The following PARD3B variants were observed in gnomAD, a reference collection of about 807,000 sequenced individuals.
The protein encoded by PARD3B is par-3 family cell polarity regulator beta.
Under a neutral mutation model 130.2 loss-of-function variants are expected in PARD3B, and 103 were observed. That is an observed-to-expected ratio of 0.79 (90% CI 0.67 to 0.93). The LOEUF is 0.93. PARD3B is among the 40% of genes least tolerant of loss of function. The probability of loss-of-function intolerance (pLI) is 0.00; values close to 1 mark genes in which losing one functional copy is unlikely to be tolerated. For missense variants in PARD3B, 1,609 were observed against 1,499.2 expected (o/e 1.07, Z -1.21); for synonymous variants, 583 against 553.2 (o/e 1.05, Z -0.76).
intron 16 of PARD3B, among the ~76,000 whole-genome samples, chr2:205,254,063 G>C (rs1402094671): frequency 7.5e-6 from 1 of 133,688 alleles, no homozygotes; most frequent in Non-Finnish European, 1.5e-5. Context: ...GACACACAGA[G>C]TGGTATCATT....
chr2:204,638,517 T>A (rs929185770), intron 1 of PARD3B, among the ~76,000 whole-genome samples: 4 of 152,226 alleles, frequency 2.6e-5, no homozygotes, highest in Admixed American at 2.6e-4. Context: ...AAGTGTAATT[T>A]TGTTATTTAG....
At chr2:205,192,877 T>G (rs1288287118) in intron 14 of PARD3B, among the ~76,000 whole-genome samples, 1 of 152,202 alleles carries the variant, frequency 6.6e-6, no homozygotes, top group African/African-American at 2.4e-5. Context: ...CAGTGACATC[T>G]TTTGAAGTGC....
chr2:204,873,063 A>C (rs2045690531), intron 2 of PARD3B, among the ~76,000 whole-genome samples: 1 of 152,222 alleles, frequency 6.6e-6, no homozygotes, highest in African/African-American at 2.4e-5. Context: ...GATAAAGATA[A>C]TTATAATGTA....
At chr2:204,583,773 T>C (rs957370128) in intron 1 of PARD3B, among the ~76,000 whole-genome samples, 6 of 152,196 alleles carry the variant, frequency 3.9e-5, no homozygotes, top group African/African-American at 1.2e-4. Context: ...ATCAAACTTG[T>C]AGTGTCATTA....
intron 10 of PARD3B, among the ~76,000 whole-genome samples, chr2:205,135,542 T>C (rs907002807): frequency 4.0e-5 from 6 of 151,120 alleles, no homozygotes; most frequent in African/African-American, 1.5e-4. Flanking sequence ...GTGTGATCTT[T>C]ATCATTAAAG....
chr2:204,566,690 G>A (rs2031690710), intron 1 of PARD3B, among the ~76,000 whole-genome samples: 1 of 152,098 alleles, frequency 6.6e-6, no homozygotes, highest in Non-Finnish European at 1.5e-5. Flanking sequence ...ATAAAGACAA[G>A]GTAAAGACAA....
At chr2:205,569,700 C>T (rs1261527080) in intron 22 of PARD3B, among the ~76,000 whole-genome samples, 1 of 152,156 alleles carries the variant, frequency 6.6e-6, no homozygotes, top group Non-Finnish European at 1.5e-5. Flanking sequence ...TGATATTATG[C>T]CCTATGTCAG....
At chr2:205,038,478 G>T (rs947820798) in intron 3 of PARD3B, among the ~76,000 whole-genome samples, 8 of 152,070 alleles carry the variant, frequency 5.3e-5, no homozygotes, top group African/African-American at 1.9e-4. Flanking sequence ...ATATTGTAAA[G>T]TAGCTTAAAA....
chr2:204,675,493 C>A lies in PARD3B; in HGVS notation c.121-10688C>A, dbSNP rs191478447. On this transcript the variant is annotated intron_variant, in intron 1 of 22. Transcript: ENST00000406610. This position sits in a 1 kb window ranked among gnomAD's most constrained non-coding sequence, Gnocchi z 4.4. ...CTAGAGCTGTAGGAAAATGAAATTT[C>A]TATATTCTTATAAAGTCAGTGTCTT... Among the ~76,000 whole-genome samples, 34 of 152,006 alleles carry A rather than the reference C, an allele frequency of 2.2e-4. No individual in the cohort carries two copies. Among genetic ancestry groups the A allele is most frequent in the Admixed American group, 1.3e-3 (20 of 15,280 alleles).
At chr2:204,831,372 C>T (rs780773436) in intron 2 of PARD3B, among the ~76,000 whole-genome samples, 13 of 152,124 alleles carry the variant, frequency 8.5e-5, no homozygotes, top group Non-Finnish European at 1.2e-4. Context: ...TTAAATATCA[C>T]GCTTATATAA....
intron 18 of PARD3B, among the ~76,000 whole-genome samples, chr2:205,350,414 C>G (rs1278485439): frequency 8.5e-5 from 13 of 152,138 alleles, no homozygotes; most frequent in Admixed American, 8.5e-4. Flanking sequence ...TTTGCCGCAT[C>G]TCATAAAGTT....
intron 15 of PARD3B, among the ~76,000 whole-genome samples, chr2:205,234,520 T>C (rs1175606617): frequency 1.3e-5 from 2 of 152,100 alleles, no homozygotes; most frequent in Admixed American, 1.3e-4. Context: ...ATGCACCTAA[T>C]AATAGTGCTT....
rs1232175671 is a variant in PARD3B at position 205,351,729 on chromosome 2, GCT to G, written c.2631-49281_2631-49280del. ...TTTAACTCTAGAATTGCTAAAGGTA[GCT>G]CTGTGAGTAAGGTGGGTTGCTAGCC... On this transcript the variant is annotated intron_variant, in intron 18 of 22. Coordinates refer to ENST00000406610, the MANE Select transcript of PARD3B (RefSeq NM_001302769.2). This position sits in a 1 kb window ranked among gnomAD's most constrained non-coding sequence, Gnocchi z 4.2. Among the ~76,000 whole-genome samples, 1 of 152,074 alleles carries G rather than the reference GCT, an allele frequency of 6.6e-6. No homozygotes were observed. Among genetic ancestry groups the G allele is most frequent in the Admixed American group, 6.6e-5 (1 of 15,258 alleles).
At chr2:205,361,444 T>G (rs2044386169) in intron 18 of PARD3B, among the ~76,000 whole-genome samples, 1 of 152,180 alleles carries the variant, frequency 6.6e-6, no homozygotes, top group Admixed American at 6.5e-5. Context: ...ACTGACGAAT[T>G]CTTCTTGCCT....
At chr2:205,333,452 A>T (rs1201330529) in intron 18 of PARD3B, among the ~76,000 whole-genome samples, 5 of 152,160 alleles carry the variant, frequency 3.3e-5, no homozygotes, top group African/African-American at 9.7e-5. Flanking sequence ...CCTAATAGAA[A>T]ATTAAAAGTT....
In PARD3B at chr2:205,253,541, C is replaced by T; in HGVS notation, c.2185+7719C>T. On this transcript the variant is annotated intron_variant, in intron 16 of 22. Coordinates refer to ENST00000406610, the MANE Select transcript of PARD3B (RefSeq NM_001302769.2). This position sits in a 1 kb window ranked among gnomAD's most constrained non-coding sequence, Gnocchi z 4.4. Reference sequence around the variant, plus strand: ...GAGACTCACACTGCTGTCATGGCCCCACAGCCTGGAGCCTCCCCTGCCTCC... The same window carrying T: ...GAGACTCACACTGCTGTCATGGCCCTACAGCCTGGAGCCTCCCCTGCCTCC... 1 of 524,248 alleles carries T rather than the reference C, an allele frequency of 1.9e-6. No homozygotes were observed. Among genetic ancestry groups the T allele is most frequent in the East Asian group, 5.0e-5 (1 of 20,188 alleles). The allele number at this position is 524,248 out of a possible 1,614,324, so 32.5% of individuals were successfully genotyped here.
At chr2:205,055,026 A>C (rs1014846107) in intron 4 of PARD3B, among the ~76,000 whole-genome samples, 1 of 152,110 alleles carries the variant, frequency 6.6e-6, no homozygotes, top group Non-Finnish European at 1.5e-5. Flanking sequence ...GCATTTTTTC[A>C]AGACTGTGAA....
At chr2:205,039,316 T>C (rs1698229300) in intron 3 of PARD3B, among the ~76,000 whole-genome samples, 2 of 152,162 alleles carry the variant, frequency 1.3e-5, no homozygotes, top group South Asian at 4.1e-4. Flanking sequence ...GGAGTTTGGA[T>C]GCCTTGACTA....
chr2:204,962,015 A>C (rs1690787961), intron 2 of PARD3B, among the ~76,000 whole-genome samples: 1 of 152,054 alleles, frequency 6.6e-6, no homozygotes, highest in African/African-American at 2.4e-5. Flanking sequence ...TGGTAAGTGG[A>C]TCCTGAGAAG....
Sources: allele counts gnomAD v4.1 joint callset (sites outside exome capture counted in the v4.1 genomes callset), GRCh38; gene constraint gnomAD v4.1.1; non-coding constraint Gnocchi (gnomAD v3.1); transcripts MANE v1.5; gene names NCBI Gene and HGNC (gene_info 2026-07-23, HGNC 2026-07-21).